The following ERBB4 variants were observed in gnomAD, a reference collection of about 807,000 sequenced individuals.
ERBB4 encodes receptor tyrosine-protein kinase erbB-4.
In ERBB4, 42 loss-of-function variants were observed where a neutral mutation model predicts 158.0. That is an observed-to-expected ratio of 0.27 (90% CI 0.21 to 0.34). The LOEUF is 0.34. Among genes scored for constraint, ERBB4 ranks in the 10% least tolerant of loss-of-function variants. The pLI is 1.00. For synonymous variants in ERBB4, 583 were observed against 558.7 expected (o/e 1.04, Z -0.61); for missense variants, 1,333 against 1,624.1 (o/e 0.82, Z 3.08).
At position 211,939,984 on chromosome 2, in the gene ERBB4, TATAG is replaced by T. The variant is rs530567931; in HGVS notation, c.421+7442_421+7445del. Among the ~76,000 whole-genome samples the T allele has an allele frequency of 1.9e-3, 265 of 141,574 alleles. 2 individuals carry two copies. Among genetic ancestry groups the T allele is most frequent in the Middle Eastern group, 0.016 (4 of 252 alleles). 92.9% of individuals were successfully genotyped at this position (141,574 alleles called of 152,430 possible). A position where few individuals can be genotyped will look rare whatever the true frequency, so the allele number is the denominator to read the frequency against. On this transcript the variant is annotated intron_variant, in intron 3 of 27. Transcript: ENST00000342788. Reference sequence around the variant, plus strand: ...AAAAAAAAATATATATATATATGTATATAGATAGATAGATAGATAGATAGAGATA... The same window carrying T: ...AAAAAAAAATATATATATATATGTATATAGATAGATAGATAGATAGAGATA...
chr2:212,331,186 G>A (rs2088149989), intron 1 of ERBB4, among the ~76,000 whole-genome samples: 1 of 149,466 alleles, frequency 6.7e-6, no homozygotes, highest in African/African-American at 2.4e-5. Context: ...ACATAATGAT[G>A]TATATGCCGC....
intron 4 of ERBB4, among the ~76,000 whole-genome samples, chr2:211,753,600 C>T (rs1481133827): frequency 6.6e-6 from 1 of 151,854 alleles, no homozygotes; most frequent in African/African-American, 2.4e-5. Context: ...TAGATAATTC[C>T]CAATCTAATT....
intron 1 of ERBB4, among the ~76,000 whole-genome samples, chr2:212,504,950 G>A (rs2106254428): frequency 6.6e-6 from 1 of 152,166 alleles, no homozygotes; most frequent in East Asian, 1.9e-4. Context: ...GTAAAGTTAT[G>A]GTTGTAGATT....
intron 1 of ERBB4, among the ~76,000 whole-genome samples, chr2:212,204,678 C>G (rs2082684521): frequency 6.8e-6 from 1 of 146,650 alleles, no homozygotes. Flanking sequence ...GCCTGAGTGA[C>G]AGAGTGAGAC....
At chr2:211,448,852 T>C (rs1318359049) in intron 20 of ERBB4, among the ~76,000 whole-genome samples, 2 of 152,184 alleles carry the variant, frequency 1.3e-5, no homozygotes, top group Non-Finnish European at 2.9e-5. Flanking sequence ...ATATGCAGTA[T>C]TGTAAGAGAT....
chr2:212,535,314 T>G (rs1212434309), intron 1 of ERBB4, among the ~76,000 whole-genome samples: 1 of 152,170 alleles, frequency 6.6e-6, no homozygotes, highest in Non-Finnish European at 1.5e-5. Flanking sequence ...TAAACACTTG[T>G]AAGAAAGAGA....
intron 19 of ERBB4, among the ~76,000 whole-genome samples, chr2:211,566,397 G>A (rs552454024): frequency 5.6e-4 from 86 of 152,294 alleles, no homozygotes; most frequent in African/African-American, 1.7e-3. Flanking sequence ...CAAAATATCT[G>A]CGGAGACTGC....
At chr2:212,082,389 GTTAAAA>G (rs2078473556) in intron 2 of ERBB4, among the ~76,000 whole-genome samples, 1 of 151,986 alleles carries the variant, frequency 6.6e-6, no homozygotes. Flanking sequence ...TTCAAATGAT[GTTAAAA>G]TTAAAGTAAT....
intron 20 of ERBB4, among the ~76,000 whole-genome samples, chr2:211,487,714 T>C (rs1305083872): frequency 6.6e-6 from 1 of 152,082 alleles, no homozygotes; most frequent in Non-Finnish European, 1.5e-5. Flanking sequence ...AGGTGGTACC[T>C]TTAAATAACT....
At position 211,572,254 on chromosome 2, in the gene ERBB4, T is replaced by C. The variant is rs183623383; in HGVS notation, c.2302-10166A>G. Among the ~76,000 whole-genome samples, 59 of 152,346 alleles carry C rather than the reference T, an allele frequency of 3.9e-4. 1 individual carries two copies. In the East Asian group the frequency reaches 9.6e-3, roughly 25 times the overall value. On this transcript the variant is annotated intron_variant, in intron 19 of 27. Transcript: ENST00000342788. ...CAACATAGAGTCGTAACATTGCACG[T>C]ACTCAATAAACACATGTTGAATTAA...
intron 1 of ERBB4, among the ~76,000 whole-genome samples, chr2:212,465,247 A>C (rs1056677080): frequency 2.0e-5 from 3 of 152,250 alleles, no homozygotes; most frequent in African/African-American, 7.2e-5. Context: ...AGAATGATAA[A>C]TTTTCATGAA....
chr2:211,832,702 G>C (rs553683348), intron 3 of ERBB4, among the ~76,000 whole-genome samples: 1 of 151,158 alleles, frequency 6.6e-6, no homozygotes, highest in African/African-American at 2.4e-5. Context: ...TTTCAAAAAG[G>C]GGCTGGCATG....
At chr2:212,117,036 A>C (rs1050966962) in intron 2 of ERBB4, among the ~76,000 whole-genome samples, 7 of 152,334 alleles carry the variant, frequency 4.6e-5, no homozygotes, top group Admixed American at 3.3e-4. Context: ...GCCAGCCGTA[A>C]ATACACACAT....
chr2:212,124,378 G>C (rs2079853068), intron 2 of ERBB4, among the ~76,000 whole-genome samples: 1 of 151,992 alleles, frequency 6.6e-6, no homozygotes. Context: ...AAAGTCTGAA[G>C]TGGCAGAAAA....
chr2:211,526,789 A>C (rs2066359939), intron 20 of ERBB4, among the ~76,000 whole-genome samples: 2 of 152,128 alleles, frequency 1.3e-5, no homozygotes, highest in East Asian at 3.9e-4. Context: ...AAGTTGAAAA[A>C]TGCAATTGAC....
chr2:211,801,918 G>C (rs192599846), intron 3 of ERBB4, among the ~76,000 whole-genome samples: 3 of 152,232 alleles, frequency 2.0e-5, no homozygotes, highest in Admixed American at 1.3e-4. Flanking sequence ...ATGCTACCTA[G>C]CTGAGATGCA....
chr2:211,510,418 C>T (rs1018148121), intron 20 of ERBB4, among the ~76,000 whole-genome samples: 33 of 152,034 alleles, frequency 2.2e-4, no homozygotes, highest in East Asian at 1.9e-4. Context: ...CTCACCATTA[C>T]GTGATATATC....
intron 1 of ERBB4, among the ~76,000 whole-genome samples, chr2:212,256,470 T>C (rs1177908033): frequency 1.3e-5 from 2 of 152,154 alleles, no homozygotes; most frequent in African/African-American, 4.8e-5. Context: ...TAGATCTGCA[T>C]TACCAAAATG....
intron 3 of ERBB4, among the ~76,000 whole-genome samples, chr2:211,793,456 A>G (rs1312092424): frequency 2.0e-5 from 3 of 151,940 alleles, no homozygotes; most frequent in Non-Finnish European, 4.4e-5. Context: ...TAAATAATGC[A>G]TATGTCAGAC....
Sources: allele counts gnomAD v4.1 joint callset (sites outside exome capture counted in the v4.1 genomes callset), GRCh38; gene constraint gnomAD v4.1.1; transcripts MANE v1.5; gene names NCBI Gene and HGNC (gene_info 2026-07-23, HGNC 2026-07-21).